Variants in IGFL2 observed in about 807,000 individuals in gnomAD.
IGFL2 encodes the protein insulin growth factor-like family member 2.
In IGFL2, 7 loss-of-function variants were observed where a neutral mutation model predicts 13.9. The ratio of observed to expected loss-of-function variants is 0.51; its 90% CI spans 0.29 to 0.95. The LOEUF is 0.95. Ranked by LOEUF, IGFL2 falls within the 40% of genes least tolerant of loss-of-function variation. The pLI, the probability that IGFL2 is intolerant of heterozygous loss-of-function variation, is 0.08. For synonymous variants in IGFL2, 55 were observed against 55.8 expected (o/e 0.99, Z 0.07); for missense variants, 138 against 147.8 (o/e 0.93, Z 0.34).
At chr19:46,162,201 T>G (rs1313433889), downstream of IGFL2, among the ~76,000 whole-genome samples, 1 of 152,256 alleles carries the variant, frequency 6.6e-6, no homozygotes, top group Non-Finnish European at 1.5e-5. Flanking sequence ...GACCTGCCTT[T>G]TCGCTCTAGG....
chr19:46,102,364 G>T, the IGFL2 span, among the ~76,000 whole-genome samples: 1 of 152,166 alleles, frequency 6.6e-6, no homozygotes, highest in Non-Finnish European at 1.5e-5. Context: ...GGAGTTAGGA[G>T]CAATTTTGTT....
the IGFL2 span, among the ~76,000 whole-genome samples, chr19:46,089,990 C>T: frequency 2.0e-5 from 3 of 152,072 alleles, no homozygotes; most frequent in East Asian, 5.8e-4. Flanking sequence ...AACATTTGCT[C>T]TTCTGATGCT....
the IGFL2 span, among the ~76,000 whole-genome samples, chr19:46,199,641 A>G: frequency 3.3e-5 from 5 of 152,186 alleles, no homozygotes; most frequent in Non-Finnish European, 7.3e-5. Context: ...GCTCAGGCCA[A>G]GGAGGGTCAG....
At chr19:46,090,775 G>T in the IGFL2 span, among the ~76,000 whole-genome samples, 2 of 152,210 alleles carry the variant, frequency 1.3e-5, no homozygotes, top group Non-Finnish European at 2.9e-5. Context: ...GATTGAGCTG[G>T]CCTTGCAGGG....
the IGFL2 span, among the ~76,000 whole-genome samples, chr19:46,092,490 G>T: frequency 6.6e-6 from 1 of 151,956 alleles, no homozygotes; most frequent in African/African-American, 2.4e-5. Context: ...AAATTAGCTG[G>T]GCTTGGTGAT....
At chr19:46,156,837 A>G (rs748601825) in intron 1 of IGFL2, among the ~76,000 whole-genome samples, 14 of 152,196 alleles carry the variant, frequency 9.2e-5, no homozygotes, top group Non-Finnish European at 1.6e-4. Context: ...TAGAAAATCA[A>G]TGAAATAAAG....
chr19:46,092,151 TACTA>T, the IGFL2 span, among the ~76,000 whole-genome samples: 1 of 152,108 alleles, frequency 6.6e-6, no homozygotes, highest in Non-Finnish European at 1.5e-5. Context: ...CTTAATGCAA[TACTA>T]ACTTTGTGTT....
the IGFL2 span, chr19:46,194,960 C>T: frequency 6.9e-6 from 1 of 144,088 alleles, no homozygotes; most frequent in East Asian, 2.0e-4. Context: ...AGTGATCCTC[C>T]TGCTTTGGCC....
chr19:46,079,332 C>T, the IGFL2 span, among the ~76,000 whole-genome samples: 2 of 152,238 alleles, frequency 1.3e-5, no homozygotes, highest in Admixed American at 6.5e-5. Flanking sequence ...GGAGGTGCGT[C>T]AAGTCGCTGC....
chr19:46,093,026 C>T, the IGFL2 span, among the ~76,000 whole-genome samples: 1 of 152,048 alleles, frequency 6.6e-6, no homozygotes, highest in South Asian at 2.1e-4. Flanking sequence ...TTAAAGTTCG[C>T]CTCAAGCTAA....
At chr19:46,125,400 G>A in the IGFL2 span, among the ~76,000 whole-genome samples, 1 of 152,218 alleles carries the variant, frequency 6.6e-6, no homozygotes, top group Admixed American at 6.5e-5. Flanking sequence ...TTAGGAGTGT[G>A]TAGTACTTAG....
At chr19:46,159,648 CTAT>C (rs1211194279) in intron 1 of IGFL2, 2 of 152,202 alleles carry the variant, frequency 1.3e-5, no homozygotes, top group East Asian at 3.8e-4. Context: ...ACTTGGATCA[CTAT>C]GTTAGTCAGG....
the IGFL2 span, among the ~76,000 whole-genome samples, chr19:46,079,786 A>G: frequency 6.6e-6 from 1 of 152,226 alleles, no homozygotes; most frequent in Admixed American, 6.5e-5. Context: ...CTCAGATGAC[A>G]GATTTCTGCA....
chr19:46,159,989 C>T (rs10426568), intron 1 of IGFL2: 1 of 198,430 alleles, frequency 5.0e-6, no homozygotes, highest in Non-Finnish European at 1.0e-5. Context: ...AGCAAACAAA[C>T]AAAAAAAGAC....
At chr19:46,169,891 C>A in the IGFL2 span, among the ~76,000 whole-genome samples, 19 of 149,972 alleles carry the variant, frequency 1.3e-4, no homozygotes, top group Non-Finnish European at 8.9e-5. Context: ...CCTAGAATTG[C>A]CAGAATTTAA....
the IGFL2 span, among the ~76,000 whole-genome samples, chr19:46,079,811 G>A: frequency 1.3e-5 from 2 of 152,130 alleles, no homozygotes; most frequent in African/African-American, 4.8e-5. Context: ...AGCCAAAAAA[G>A]CCTTCCCTCA....
the IGFL2 span, among the ~76,000 whole-genome samples, chr19:46,200,481 T>TTTCTTTTCTTTTCTTTTCTC: frequency 7.0e-6 from 1 of 143,146 alleles, no homozygotes; most frequent in African/African-American, 2.6e-5. Context: ...GCCCTTTTCT[T>TTTCTTTTCTTTTCTTTTCTC]TTCTTTTCTT....
the IGFL2 span, among the ~76,000 whole-genome samples, chr19:46,128,478 G>C: frequency 6.6e-5 from 10 of 152,190 alleles, no homozygotes; most frequent in Non-Finnish European, 1.3e-4. Flanking sequence ...TTGGCTGTGA[G>C]TTTGTCACAG....
chr19:46,113,484 G>T, the IGFL2 span: 1 of 370,708 alleles, frequency 2.7e-6, no homozygotes, highest in Non-Finnish European at 5.4e-6. Flanking sequence ...AAGCATTGTG[G>T]AAGCCATAAA....
Sources: allele counts gnomAD v4.1 joint callset (sites outside exome capture counted in the v4.1 genomes callset), GRCh38; gene constraint gnomAD v4.1.1; transcripts MANE v1.5; gene names NCBI Gene and HGNC (gene_info 2026-07-23, HGNC 2026-07-21).